The following SMYD3 variants were observed in gnomAD, a reference collection of about 807,000 sequenced individuals.
The protein encoded by SMYD3 is SET and MYND domain containing 3.
Under a neutral mutation model 57.7 loss-of-function variants are expected in SMYD3, and 36 were observed. The observed-to-expected ratio is 0.62, with a 90% CI of 0.48 to 0.82. The LOEUF (loss-of-function observed/expected upper bound fraction) is 0.82. Among genes scored for constraint, SMYD3 ranks in the 40% least tolerant of loss-of-function variants. The probability of loss-of-function intolerance (pLI) is 0.00; values close to 1 mark genes in which losing one functional copy is unlikely to be tolerated. For missense variants in SMYD3, 515 were observed against 538.8 expected, an observed-to-expected ratio of 0.96 and a Z score of 0.44; for synonymous variants, 211 against 195.0, an observed-to-expected ratio of 1.08 and a Z score of -0.68.
At chr1:245,921,053 A>G (rs2055887242) in intron 7 of SMYD3, among the ~76,000 whole-genome samples, 1 of 152,248 alleles carries the variant, frequency 6.6e-6, no homozygotes, top group Non-Finnish European at 1.5e-5. Flanking sequence ...CAAAGGTCTA[A>G]TACCCAGAAT....
chr1:246,427,258 C>T (rs1001952088), intron 1 of SMYD3, among the ~76,000 whole-genome samples: 1 of 152,166 alleles, frequency 6.6e-6, no homozygotes, highest in Non-Finnish European at 1.5e-5. Flanking sequence ...TAGTGGCTCA[C>T]GCCTGTAATC....
chr1:246,346,209 G>A (rs915351305), intron 2 of SMYD3, among the ~76,000 whole-genome samples: 6 of 152,168 alleles, frequency 3.9e-5, no homozygotes, highest in East Asian at 1.9e-4. Flanking sequence ...GCGTGAATCC[G>A]GGAGGCGGAG....
At chr1:245,833,073 A>AACAACAAAAAAAAAAAAAAACACAAC (rs36111391) in intron 10 of SMYD3, among the ~76,000 whole-genome samples, 1 of 128,652 alleles carries the variant, frequency 7.8e-6, no homozygotes, top group Non-Finnish European at 1.6e-5. Flanking sequence ...AAAAAAAAAA[A>AACAACAAAAAAAAAAAAAAACACAAC]AACCTGCTTT....
At chr1:246,438,379 A>T (rs1054818716) in intron 1 of SMYD3, among the ~76,000 whole-genome samples, 2 of 152,216 alleles carry the variant, frequency 1.3e-5, no homozygotes, top group African/African-American at 2.4e-5. Context: ...TAAATTTTCA[A>T]CCATCAAGAG....
At chr1:245,786,076 CTT>C (rs11457106) in intron 10 of SMYD3, among the ~76,000 whole-genome samples, 11 of 123,226 alleles carry the variant, frequency 8.9e-5, no homozygotes, top group Non-Finnish European at 9.8e-5. Context: ...AGAAGTTTTG[CTT>C]TTTTTTTTTT....
chr1:246,144,148 T>C (rs557550024), intron 5 of SMYD3, among the ~76,000 whole-genome samples: 30 of 152,274 alleles, frequency 2.0e-4, no homozygotes, highest in African/African-American at 7.2e-4. Flanking sequence ...AGCTGACGGA[T>C]ACACCCGCCA....
chr1:246,375,296 T>A (rs2148737157), intron 1 of SMYD3, among the ~76,000 whole-genome samples: 1 of 137,424 alleles, frequency 7.3e-6, no homozygotes, highest in Non-Finnish European at 1.6e-5. Flanking sequence ...CTGGAAATAA[T>A]AAAAATGAAC....
chr1:245,781,336 G>C (rs2046818437), intron 10 of SMYD3, among the ~76,000 whole-genome samples: 1 of 152,194 alleles, frequency 6.6e-6, no homozygotes. Context: ...CTGAAGCATA[G>C]ACAGATTAAG....
chr1:246,113,447 G>C (rs2061288305), intron 5 of SMYD3, among the ~76,000 whole-genome samples: 1 of 152,170 alleles, frequency 6.6e-6, no homozygotes, highest in South Asian at 2.1e-4. Context: ...GTTAGTCTTG[G>C]TAAGAACAAA....
At chr1:246,328,258 A>T (rs753708952) in intron 4 of SMYD3, among the ~76,000 whole-genome samples, 2 of 152,200 alleles carry the variant, frequency 1.3e-5, no homozygotes, top group Non-Finnish European at 2.9e-5. Context: ...GATGGTTCTA[A>T]AACAAAAGAA....
chr1:245,986,931 A>G (rs755764412), intron 5 of SMYD3, among the ~76,000 whole-genome samples: 2 of 152,244 alleles, frequency 1.3e-5, no homozygotes, highest in African/African-American at 2.4e-5. Context: ...AAACTTGATG[A>G]ACATATTTGC....
chr1:246,021,812 T>C (rs938775146), intron 5 of SMYD3, among the ~76,000 whole-genome samples: 1 of 152,110 alleles, frequency 6.6e-6, no homozygotes, highest in Non-Finnish European at 1.5e-5. Flanking sequence ...AAATGGAAAA[T>C]GGAAAGATGG....
intron 5 of SMYD3, among the ~76,000 whole-genome samples, chr1:246,131,394 T>A (rs1346086359): frequency 2.0e-5 from 3 of 152,292 alleles, no homozygotes; most frequent in East Asian, 3.9e-4. Context: ...TAAGAAGGAA[T>A]AAGGGTGAAA....
At chr1:245,779,176 AAAAAAGAAAAAG>A (rs1553319529) in intron 10 of SMYD3, among the ~76,000 whole-genome samples, 1 of 143,696 alleles carries the variant, frequency 7.0e-6, no homozygotes. Context: ...AAAAAAAAAA[AAAAAAGAAAAAG>A]AAAAAGAAAA....
At chr1:245,753,021 T>C (rs1184809296) in intron 11 of SMYD3, among the ~76,000 whole-genome samples, 1 of 152,162 alleles carries the variant, frequency 6.6e-6, no homozygotes, top group African/African-American at 2.4e-5. Flanking sequence ...GCTGCAGAGA[T>C]ACCCTGAGGG....
intron 1 of SMYD3, among the ~76,000 whole-genome samples, chr1:246,498,825 A>AC (rs35953776): frequency 0.026 from 3,999 of 151,580 alleles, 75 homozygotes; most frequent in Non-Finnish European, 0.039. Flanking sequence ...GAATGCTTAT[A>AC]CCCCCCAGGC....
At chr1:246,502,792 T>C (rs915503383) in intron 1 of SMYD3, among the ~76,000 whole-genome samples, 1 of 152,180 alleles carries the variant, frequency 6.6e-6, no homozygotes, top group African/African-American at 2.4e-5. Flanking sequence ...TTTTAGGATG[T>C]CATGCTGGCT....
At chr1:245,793,982 C>T (rs1254941135) in intron 10 of SMYD3, among the ~76,000 whole-genome samples, 2 of 152,062 alleles carry the variant, frequency 1.3e-5, no homozygotes, top group African/African-American at 2.4e-5. Context: ...AAGCAGCATG[C>T]AACTGGGCTT....
chr1:246,266,531 A>C (rs2064111107), intron 5 of SMYD3, among the ~76,000 whole-genome samples: 1 of 152,202 alleles, frequency 6.6e-6, no homozygotes, highest in Non-Finnish European at 1.5e-5. Context: ...TATGTTGAAT[A>C]ATTTTATTAA....
Sources: gnomAD v4.1 joint callset for allele counts (sites outside exome capture counted in the v4.1 genomes callset) on GRCh38, gnomAD v4.1.1 for gene constraint, MANE v1.5 for transcripts, NCBI Gene and HGNC (gene_info 2026-07-23, HGNC 2026-07-21) for gene names.